The following ANAPC10 variants were observed in gnomAD, a reference collection of about 807,000 sequenced individuals.
ANAPC10 encodes the protein anaphase-promoting complex subunit 10.
In ANAPC10, 12 loss-of-function variants were observed where a neutral mutation model predicts 22.0. The observed-to-expected ratio is 0.55, with a 90% confidence interval of 0.35 to 0.88. The LOEUF (loss-of-function observed/expected upper bound fraction) is 0.88. Among genes scored for constraint, ANAPC10 ranks in the 40% least tolerant of loss-of-function variants. The pLI is 0.01. For synonymous variants in ANAPC10, 65 were observed against 69.5 expected (o/e 0.94, Z 0.32); for missense variants, 188 against 220.9 (o/e 0.85, Z 0.94).
intron 4 of ANAPC10, among the ~76,000 whole-genome samples, chr4:145,037,788 AAC>A (rs1400877399): frequency 5.9e-5 from 9 of 151,946 alleles, no homozygotes; most frequent in Admixed American, 5.9e-4. Context: ...CTCTACAAAA[AAC>A]ACAAAAATTA....
chr4:145,081,852 C>T, intron 2 of ANAPC10, 102 bp from the exon 3 acceptor site: 1 of 801,144 alleles, frequency 1.2e-6, no homozygotes, highest in African/African-American at 1.8e-5. Context: ...TTTTGATAAA[C>T]AGAAAGGTCA....
chr4:145,036,436 G>A (rs893005230), intron 4 of ANAPC10, among the ~76,000 whole-genome samples: 4 of 152,178 alleles, frequency 2.6e-5, no homozygotes, highest in Admixed American at 2.6e-4. Context: ...ATAGCTAACA[G>A]GATTGCTCCC....
intron 4 of ANAPC10, among the ~76,000 whole-genome samples, chr4:145,000,754 T>C (rs1024244703): frequency 3.9e-5 from 6 of 152,234 alleles, no homozygotes; most frequent in African/African-American, 1.4e-4. Flanking sequence ...CACACGTTTA[T>C]TGTGGCACTA....
Position 144,995,226 on chromosome 4 carries a change from T to A in ANAPC10, c.*147A>T. 2 of 476,450 alleles carry A rather than the reference T, an allele frequency of 4.2e-6. No homozygotes were observed. The highest frequency in any genetic ancestry group is 5.4e-5 in the South Asian group (1 of 18,466). 29.5% of individuals were successfully genotyped at this position (476,450 alleles called of 1,614,324 possible). A position where few individuals can be genotyped will look rare whatever the true frequency, so the allele number is the denominator to read the frequency against. ...AAAATAAAGATAATATGACCCCAAA[T>A]TTATTTGTCAAAGTTACAATAAAAT... On this transcript the variant is annotated 3_prime_UTR_variant, in exon 5 of 5. Transcript: ENST00000507656.
At chr4:145,044,519 C>G (rs988742337) in intron 4 of ANAPC10, among the ~76,000 whole-genome samples, 2 of 152,098 alleles carry the variant, frequency 1.3e-5, no homozygotes, top group Non-Finnish European at 2.9e-5. Context: ...AGTCTGCTAA[C>G]TGAATCATAG....
At chr4:145,028,894 T>C (rs186135427) in intron 4 of ANAPC10, among the ~76,000 whole-genome samples, 1 of 152,274 alleles carries the variant, frequency 6.6e-6, no homozygotes, top group East Asian at 1.9e-4. Flanking sequence ...AACTCCTGGC[T>C]TCAGAAGCAG....
At position 144,995,529 on chromosome 4, in the gene ANAPC10, T is replaced by C. The variant is rs1401050173; in HGVS notation, c.402A>G (p.Thr134=). 3 of 1,613,820 alleles carry C rather than the reference T, an allele frequency of 1.9e-6. No individual in the cohort carries two copies. The highest frequency in any genetic ancestry group is 2.5e-6 in the Non-Finnish European group (3 of 1,179,912). The part of the protein sequence containing the change: ...LTDNHKKPTR[T]FMIQIAVLAN... ...CTAGAACAGCAATCTGTATCATGAATGTACGAGTTGGCTTCTTATGATTGT... is the reference window on the plus strand; with the variant it reads ...CTAGAACAGCAATCTGTATCATGAACGTACGAGTTGGCTTCTTATGATTGT... Residue 134 remains threonine (T), a synonymous_variant, in exon 5 of 5, where the codon ACA becomes ACG. Transcript: ENST00000507656.
intron 4 of ANAPC10, among the ~76,000 whole-genome samples, chr4:144,995,980 G>A (rs1004913729): frequency 3.9e-5 from 6 of 152,184 alleles, no homozygotes; most frequent in Non-Finnish European, 8.8e-5. Context: ...CCTCCTCCAT[G>A]AAAAGGAACC....
In ANAPC10 at chr4:145,054,636, T is replaced by C. The variant is rs1412240676; in HGVS notation, c.327+9936A>G. ...GTGTGTGTGTGTGTGTGTGTGTGTG[T>C]GTGTGCGCGCGCGCGCGCGTGCGTG... On this transcript the variant is annotated intron_variant, in intron 4 of 4. Transcript: ENST00000507656. 6.1e-3 allele frequency among the ~76,000 whole-genome samples: 613 copies of C among 100,742 alleles called. 3 individuals carry two copies. The highest frequency in any genetic ancestry group is 0.011 in the African/African-American group (250 of 22,142). 66.1% of individuals were successfully genotyped at this position (100,742 alleles called of 152,430 possible). A position where few individuals can be genotyped will look rare whatever the true frequency, so the allele number is the denominator to read the frequency against.
At chr4:145,056,128 C>T (rs868667755) in intron 4 of ANAPC10, among the ~76,000 whole-genome samples, 19 of 152,104 alleles carry the variant, frequency 1.2e-4, no homozygotes, top group African/African-American at 3.9e-4. Flanking sequence ...CATTCCCAGA[C>T]GGTTAAGGCA....
chr4:145,088,560 T>C (rs1431358655), intron 2 of ANAPC10, among the ~76,000 whole-genome samples: 1 of 152,190 alleles, frequency 6.6e-6, no homozygotes, highest in Non-Finnish European at 1.5e-5. Context: ...GAATCGTAAT[T>C]ATTCCACCTC....
chr4:145,060,705 C>T (rs1460498292), intron 4 of ANAPC10, among the ~76,000 whole-genome samples: 1 of 151,982 alleles, frequency 6.6e-6, no homozygotes, highest in Non-Finnish European at 1.5e-5. Context: ...AGTACTATAA[C>T]TAATGAAATG....
intron 4 of ANAPC10, among the ~76,000 whole-genome samples, chr4:145,039,656 T>C (rs901859951): frequency 6.6e-6 from 1 of 152,082 alleles, no homozygotes; most frequent in Non-Finnish European, 1.5e-5. Context: ...GTGCAGTGGC[T>C]AGATCTTGGA....
chr4:145,047,472 A>C (rs537969650), intron 4 of ANAPC10, among the ~76,000 whole-genome samples: 64 of 152,292 alleles, frequency 4.2e-4, no homozygotes, highest in African/African-American at 1.5e-3. Context: ...AGTCATGATA[A>C]TTCCATGCTA....
At chr4:145,070,743 C>T (rs1423359870) in intron 3 of ANAPC10, among the ~76,000 whole-genome samples, 2 of 152,164 alleles carry the variant, frequency 1.3e-5, no homozygotes, top group East Asian at 3.9e-4. Context: ...TAGAAACAAC[C>T]CAATGTCCTC....
chr4:145,049,438 A>G (rs1323184341), intron 4 of ANAPC10, among the ~76,000 whole-genome samples: 1 of 152,210 alleles, frequency 6.6e-6, no homozygotes, highest in Non-Finnish European at 1.5e-5. Context: ...AATATTCTAA[A>G]TTCTTTGTTG....
At chr4:145,084,177 A>C (rs1462022417) in intron 2 of ANAPC10, among the ~76,000 whole-genome samples, 3 of 152,242 alleles carry the variant, frequency 2.0e-5, no homozygotes, top group African/African-American at 7.2e-5. Context: ...CACGTAATCC[A>C]AACATGAATG....
chr4:145,060,790 GT>G (rs1381876555), intron 4 of ANAPC10, among the ~76,000 whole-genome samples: 53 of 151,826 alleles, frequency 3.5e-4, no homozygotes, highest in Non-Finnish European at 3.4e-4. Context: ...AAGCAGCAAA[GT>G]TTTTTTTATA....
chr4:145,015,916 T>C (rs566763577), intron 4 of ANAPC10, among the ~76,000 whole-genome samples: 1 of 152,082 alleles, frequency 6.6e-6, no homozygotes, highest in Non-Finnish European at 1.5e-5. Flanking sequence ...AAGCCACCAT[T>C]ACAAGAACTG....
Sources: allele counts gnomAD v4.1 joint callset (sites outside exome capture counted in the v4.1 genomes callset), GRCh38; gene constraint gnomAD v4.1.1; transcripts MANE v1.5; gene names NCBI Gene and HGNC (gene_info 2026-07-23, HGNC 2026-07-21).